Variants in PSTPIP1 observed in about 807,000 individuals in gnomAD.
PSTPIP1 encodes the protein proline-serine-threonine phosphatase interacting protein 1.
Under a neutral mutation model 69.6 loss-of-function variants are expected in PSTPIP1, and 66 were observed. The ratio of observed to expected loss-of-function variants is 0.95; its 90% CI spans 0.78 to 1.16. The LOEUF (loss-of-function observed/expected upper bound fraction) is 1.16, where lower values mean the gene tolerates loss of function less well. Among genes scored for constraint, PSTPIP1 ranks in the 50% most tolerant of loss-of-function variants. The pLI is 0.00. For missense variants in PSTPIP1, 603 were observed against 557.4 expected, an observed-to-expected ratio of 1.08 and a Z score of -0.82; for synonymous variants, 266 against 222.7, an observed-to-expected ratio of 1.19 and a Z score of -1.73.
At chr15:77,032,196 G>GC in intron 10 of PSTPIP1, 102 bp from the exon 11 acceptor site, 2 of 1,179,730 alleles carry the variant, frequency 1.7e-6, no homozygotes, top group Non-Finnish European at 2.4e-6. Flanking sequence ...GCGCACAATG[G>GC]CCTGTGAGGA....
intron 6 of PSTPIP1, chr15:77,028,228 A>G: frequency 2.0e-6 from 1 of 505,494 alleles, no homozygotes; most frequent in Non-Finnish European, 3.6e-6. Context: ...CTGGACAGGA[A>G]GGGAGAGGGG....
chr15:77,032,807 G>C, intron 11 of PSTPIP1, 55 bp from the exon 12 acceptor site: 1 of 1,446,728 alleles, frequency 6.9e-7, no homozygotes, highest in Non-Finnish European at 9.4e-7. Flanking sequence ...GAGTCTGGCA[G>C]GGCCAGAATG....
chr15:77,026,168 G>A (rs920221174), intron 5 of PSTPIP1: 2 of 455,984 alleles, frequency 4.4e-6, no homozygotes, highest in African/African-American at 4.0e-5. Context: ...TCCCCATCAT[G>A]GGAGGTGTGT....
chr15:77,020,871 G>GA (rs957175035), intron 3 of PSTPIP1, among the ~76,000 whole-genome samples: 2 of 49,100 alleles, frequency 4.1e-5, no homozygotes, highest in African/African-American at 1.8e-4. Context: ...ACTCCTGTGG[G>GA]GGGGGGGGGT....
chr15:77,031,112 A>C, intron 9 of PSTPIP1, 68 bp from the exon 10 acceptor site: 1 of 1,460,842 alleles, frequency 6.8e-7, no homozygotes, highest in Non-Finnish European at 9.5e-7. Flanking sequence ...TGAGCTGTGA[A>C]TGGGGCCCAG....
In PSTPIP1 at chr15:76,995,424, G is replaced by T. The variant is rs2075554964; in HGVS notation, c.-150G>T. ...CCTCAGAAGCTCCTCTCTGGCTCGT[G>T]GCTGCCTTCTGAGTGTTGCAGACGG... On this transcript the variant is annotated 5_prime_UTR_variant, in exon 1 of 15. Transcript: ENST00000558012. The T allele has an allele frequency of 1.3e-6, 2 of 1,501,824 alleles. No homozygotes were observed. Among genetic ancestry groups the T allele is most frequent in the East Asian group, 2.4e-5 (1 of 41,310 alleles). 93.0% of individuals were successfully genotyped at this position (1,501,824 alleles called of 1,614,324 possible).
chr15:77,031,885 T>C (rs2076426634), intron 10 of PSTPIP1: 1 of 188,590 alleles, frequency 5.3e-6, no homozygotes, highest in East Asian at 1.5e-4. Flanking sequence ...TTGATTTTCT[T>C]GTTGTTTTTG....
chr15:77,035,080 T>A (rs6495232), intron 12 of PSTPIP1, among the ~76,000 whole-genome samples: 2 of 152,226 alleles, frequency 1.3e-5, no homozygotes, highest in Non-Finnish European at 2.9e-5. Flanking sequence ...CCCCTACCCA[T>A]GGGGGAAGCT....
intron 7 of PSTPIP1, 99 bp downstream of exon 7, chr15:77,028,751 C>CCCCAGA: frequency 9.6e-7 from 1 of 1,042,828 alleles, no homozygotes; most frequent in Non-Finnish European, 1.3e-6. Flanking sequence ...AGATCTGCAT[C>CCCCAGA]TGGGGATGCT....
At chr15:77,007,025 C>T (rs936263852) in intron 1 of PSTPIP1, among the ~76,000 whole-genome samples, 2 of 152,156 alleles carry the variant, frequency 1.3e-5, no homozygotes, top group African/African-American at 2.4e-5. Flanking sequence ...GGCCACGAGT[C>T]CGTGACAAAC....
At chr15:77,000,987 C>T (rs190672871) in intron 1 of PSTPIP1, among the ~76,000 whole-genome samples, 2 of 152,076 alleles carry the variant, frequency 1.3e-5, no homozygotes, top group African/African-American at 2.4e-5. Flanking sequence ...CTTTTTTTAG[C>T]GTAACTCACT....
At chr15:77,031,021 G>A (rs559835773) in intron 9 of PSTPIP1, among the ~76,000 whole-genome samples, 159 bp from the exon 10 acceptor site, 16 of 152,322 alleles carry the variant, frequency 1.1e-4, no homozygotes, top group African/African-American at 2.2e-4. Flanking sequence ...GGGCTGGCCC[G>A]GAGTCGGGAT....
intron 11 of PSTPIP1, 156 bp from the exon 12 acceptor site, chr15:77,032,705 AC>A: frequency 1.5e-6 from 1 of 659,010 alleles, no homozygotes; most frequent in Non-Finnish European, 2.6e-6. Context: ...TCTTGATGGT[AC>A]CTACGGTGGG....
chr15:77,025,656 A>G (rs539930606), intron 5 of PSTPIP1, 52 bp downstream of exon 5: 337 of 1,237,582 alleles, frequency 2.7e-4, no homozygotes, highest in Non-Finnish European at 3.4e-4. Context: ...CCAGCCTCTC[A>G]GTTGCTGTGG....
In PSTPIP1 at chr15:77,028,546, AC is replaced by A; in HGVS notation, c.418-3del. 1.3e-6 allele frequency: 2 copies of A among 1,592,972 alleles called. No homozygotes were observed. Among genetic ancestry groups the A allele is most frequent in the Non-Finnish European group, 8.5e-7 (1 of 1,170,782 alleles). ...CAGCCCCCAAGTCACGCCCCTCCAC[AC>A]CCCCAGTCCAAGAAGACATACGAGC... is the stretch of plus-strand genomic sequence containing the variant. On this transcript the variant is annotated splice_region_variant and splice_polypyrimidine_tract_variant and intron_variant, in intron 6 of 14. Transcript: ENST00000558012.
chr15:77,003,248 T>C (rs529366933), intron 1 of PSTPIP1, among the ~76,000 whole-genome samples: 1 of 152,252 alleles, frequency 6.6e-6, no homozygotes, highest in East Asian at 1.9e-4. Flanking sequence ...GGAGGGAACT[T>C]TGGGTGGAAA....
At chr15:77,014,610 G>A (rs1241614957) in intron 1 of PSTPIP1, among the ~76,000 whole-genome samples, 1 of 152,240 alleles carries the variant, frequency 6.6e-6, no homozygotes, top group African/African-American at 2.4e-5. Context: ...CCTGGTGTCT[G>A]TGGTCTCGCC....
chr15:77,018,552 G>T (rs2076098325), intron 3 of PSTPIP1, 21 bp downstream of exon 3: 16 of 1,543,436 alleles, frequency 1.0e-5, no homozygotes, highest in Non-Finnish European at 1.4e-5. Context: ...CCGGGCCCTG[G>T]GGCTCACTCC....
chr15:77,026,258 G>T (rs767229155), intron 5 of PSTPIP1: 1 of 453,444 alleles, frequency 2.2e-6, no homozygotes, highest in Non-Finnish European at 4.4e-6. Flanking sequence ...CAGGCAGGAC[G>T]CAGACTGGCC....
Sources: gnomAD v4.1 joint callset for allele counts (sites outside exome capture counted in the v4.1 genomes callset) on GRCh38, gnomAD v4.1.1 for gene constraint, MANE v1.5 for transcripts, NCBI Gene and HGNC (gene_info 2026-07-23, HGNC 2026-07-21) for gene names.